Variants in VPS26A observed in about 807,000 individuals in gnomAD.
The protein encoded by VPS26A is vacuolar protein sorting-associated protein 26A.
VPS26A carries 22 observed loss-of-function variants against 42.4 expected under a neutral mutation model. The ratio of observed to expected loss-of-function variants is 0.52; its 90% CI spans 0.37 to 0.74. The LOEUF (loss-of-function observed/expected upper bound fraction) is 0.74, where lower values mean the gene tolerates loss of function less well. VPS26A is among the 30% of genes least tolerant of loss of function. The pLI, the probability that VPS26A is intolerant of heterozygous loss-of-function variation, is 0.00. For missense variants in VPS26A, 276 were observed against 379.2 expected (o/e 0.73, Z 2.26); for synonymous variants, 110 against 123.5 (o/e 0.89, Z 0.73).
chr10:69,161,714 C>T, intron 5 of VPS26A: 1 of 393,744 alleles, frequency 2.5e-6, no homozygotes, highest in Non-Finnish European at 5.1e-6. Flanking sequence ...AGGGCCTCCA[C>T]CAACTTAACA....
chr10:69,165,518 T>C (rs1006810303), intron 6 of VPS26A, among the ~76,000 whole-genome samples: 6 of 152,032 alleles, frequency 3.9e-5, no homozygotes, highest in South Asian at 4.1e-4. Flanking sequence ...CTTTGTTGTT[T>C]AAAATGTGGC....
intron 1 of VPS26A, among the ~76,000 whole-genome samples, chr10:69,127,958 A>G (rs1002371616): frequency 1.3e-5 from 2 of 151,936 alleles, no homozygotes; most frequent in Non-Finnish European, 2.9e-5. Context: ...TCAGCTTCCC[A>G]AAGTGCTAGG....
chr10:69,125,078 T>A (rs1366723553), intron 1 of VPS26A, among the ~76,000 whole-genome samples: 2 of 152,180 alleles, frequency 1.3e-5, no homozygotes, highest in Non-Finnish European at 2.9e-5. Flanking sequence ...AGATCTCATT[T>A]TACCCATTTT....
chr10:69,161,987 A>C (rs1208033530), intron 5 of VPS26A: 2 of 152,312 alleles, frequency 1.3e-5, no homozygotes, highest in African/African-American at 5.1e-5. Flanking sequence ...AAGAGCTCAA[A>C]ATAGTACTTT....
At chr10:69,138,206 T>A (rs1840963584) in intron 2 of VPS26A, among the ~76,000 whole-genome samples, 1 of 152,226 alleles carries the variant, frequency 6.6e-6, no homozygotes, top group Admixed American at 6.5e-5. Context: ...TATATCATTG[T>A]TTTTTATTGA....
intron 2 of VPS26A, among the ~76,000 whole-genome samples, chr10:69,145,186 G>A (rs949921699): frequency 2.9e-5 from 3 of 102,656 alleles, no homozygotes; most frequent in South Asian, 7.3e-4. Flanking sequence ...AGGCACCCAC[G>A]ACCACACCTG....
At chr10:69,166,703 T>C (rs1841694557) in intron 7 of VPS26A, among the ~76,000 whole-genome samples, 1 of 152,246 alleles carries the variant, frequency 6.6e-6, no homozygotes. Flanking sequence ...GTGTCCCTTA[T>C]GATGCATGTA....
At chr10:69,168,736 T>C in intron 8 of VPS26A, 105 bp downstream of exon 8, 1 of 1,392,948 alleles carries the variant, frequency 7.2e-7, no homozygotes. Flanking sequence ...AGTTTCTAAA[T>C]AAATAAAAAC....
intron 5 of VPS26A, among the ~76,000 whole-genome samples, chr10:69,162,182 G>A (rs538566248): frequency 6.6e-6 from 1 of 152,126 alleles, no homozygotes; most frequent in Non-Finnish European, 1.5e-5. Context: ...AGTAGAGACA[G>A]TTTCGCCATG....
chr10:69,135,242 A>G (rs1474169306), intron 2 of VPS26A, among the ~76,000 whole-genome samples: 1 of 152,210 alleles, frequency 6.6e-6, no homozygotes, highest in Non-Finnish European at 1.5e-5. Flanking sequence ...TGATTATATA[A>G]TAGGCTTTCA....
chr10:69,132,563 C>T (rs1034145532), intron 1 of VPS26A, among the ~76,000 whole-genome samples: 1 of 152,022 alleles, frequency 6.6e-6, no homozygotes, highest in Non-Finnish European at 1.5e-5. Context: ...CTGTCTCAGC[C>T]TCCCGAGTAG....
intron 2 of VPS26A, among the ~76,000 whole-genome samples, chr10:69,141,881 C>T (rs10998602): frequency 0.042 from 6,339 of 152,012 alleles, 464 homozygotes; most frequent in African/African-American, 0.14. Context: ...CATAATGATA[C>T]AATGATTCCT....
chr10:69,152,369 C>T (rs113722250), intron 2 of VPS26A, among the ~76,000 whole-genome samples: 327 of 152,286 alleles, frequency 2.1e-3, no homozygotes, highest in African/African-American at 7.3e-3. Context: ...ATGCTTTATT[C>T]ACGTAACACA....
chr10:69,137,067 G>A (rs1482818058), intron 2 of VPS26A, among the ~76,000 whole-genome samples: 2 of 152,188 alleles, frequency 1.3e-5, no homozygotes, highest in Non-Finnish European at 1.5e-5. Flanking sequence ...TGGGATTACA[G>A]GCGTGAGCCA....
At chr10:69,161,301 T>C (rs1276147823) in intron 5 of VPS26A, among the ~76,000 whole-genome samples, 1 of 152,162 alleles carries the variant, frequency 6.6e-6, no homozygotes, top group Non-Finnish European at 1.5e-5. Context: ...GTTCAAGCAA[T>C]CCTGTCGCCT....
rs756986328 is a variant in VPS26A at position 69,124,230 on chromosome 10, C to T, written c.-48C>T. The T allele has an allele frequency of 1.6e-6, 2 of 1,281,250 alleles. No individual in the cohort carries two copies. Among genetic ancestry groups the T allele is most frequent in the South Asian group, 3.7e-5 (1 of 27,008 alleles). The allele number at this position is 1,281,250 out of a possible 1,614,324, so 79.4% of individuals were successfully genotyped here. A position where few individuals can be genotyped will look rare whatever the true frequency, so the allele number is the denominator to read the frequency against. Reference sequence around the variant, plus strand: ...GAGGGAGCCGGGGCTGGGAGTTCTCCTGAGGGAAGAGGAGTGGAGTAGGGG... The same window carrying T: ...GAGGGAGCCGGGGCTGGGAGTTCTCTTGAGGGAAGAGGAGTGGAGTAGGGG... On this transcript the variant is annotated 5_prime_UTR_variant, in exon 1 of 9. Transcript: ENST00000263559.
rs149328740 is a variant in VPS26A at position 69,160,220 on chromosome 10, C to T, written c.551+2009C>T. Among the ~76,000 whole-genome samples, 816 of 152,044 alleles carry T rather than the reference C, an allele frequency of 5.4e-3. 4 individuals carry two copies. Among genetic ancestry groups the T allele is most frequent in the African/African-American group, 0.019 (775 of 41,426 alleles). On this transcript the variant is annotated intron_variant, in intron 5 of 8. Transcript: ENST00000263559. ...TGTCGCCCAGGCTGGAGTGCAATGG[C>T]GTGATCTCGGCTCACTGCAACCTCT...
At chr10:69,151,362 G>A (rs1473381037) in intron 2 of VPS26A, among the ~76,000 whole-genome samples, 1 of 148,126 alleles carries the variant, frequency 6.8e-6, no homozygotes. Context: ...TGAGGCAGGA[G>A]AATCACTTGA....
rs1483228330 is a variant in VPS26A, at chr10:69,172,823, G to A, written c.*1554G>A. On this transcript the variant is annotated 3_prime_UTR_variant, in exon 9 of 9. Transcript: ENST00000263559. The stretch of plus-strand genomic sequence containing the variant: ...AATTGTATTTAACCAGCCTCAAATT[G>A]TGCAACCATGATGTATAATAAAGAA... The A allele has an allele frequency of 2.6e-5, 4 of 152,540 alleles. No homozygotes were observed. Among genetic ancestry groups the A allele is most frequent in the Middle Eastern group, 3.2e-3 (1 of 316 alleles). The allele number at this position is 152,540 out of a possible 1,614,324, so 9.4% of individuals were successfully genotyped here.
Sources: allele counts gnomAD v4.1 joint callset (sites outside exome capture counted in the v4.1 genomes callset), GRCh38; gene constraint gnomAD v4.1.1; transcripts MANE v1.5; gene names NCBI Gene and HGNC (gene_info 2026-07-23, HGNC 2026-07-21).